GRM4: variants seen among roughly 807,000 people sequenced by gnomAD.
The protein encoded by GRM4 is metabotropic glutamate receptor 4.
A neutral mutation model predicts 81.7 loss-of-function variants in GRM4; 28 were observed. The observed-to-expected ratio is 0.34, with a 90% confidence interval of 0.25 to 0.47. GRM4 has a LOEUF of 0.47. Among genes scored for constraint, GRM4 ranks in the 20% least tolerant of loss-of-function variants. The pLI is 1.00. For missense variants in GRM4, 948 were observed against 1,290.0 expected, an observed-to-expected ratio of 0.73 and a Z score of 4.06; for synonymous variants, 488 against 528.8, an observed-to-expected ratio of 0.92 and a Z score of 1.06.
chr6:34,141,373 GTGGGCTGGCATTA>G lies in GRM4; in HGVS notation c.-364+4614_-364+4626del, dbSNP rs1770685125. On this transcript the variant is annotated intron_variant, in intron 1 of 10. Transcript: ENST00000538487. The stretch of plus-strand genomic sequence containing the variant: ...TCAGCATGGCTCGGCCCCAAATGGC[GTGGGCTGGCATTA>G]TGGGCTGGCATTTCCCAATTACCAC... Among the ~76,000 whole-genome samples, 3 of 152,352 alleles carry G rather than the reference GTGGGCTGGCATTA, an allele frequency of 2.0e-5. 1 individual carries two copies. The highest frequency in any genetic ancestry group is 7.2e-5 in the African/African-American group (3 of 41,576).
intron 2 of GRM4, chr6:34,102,216 C>G: frequency 3.4e-6 from 5 of 1,455,208 alleles, no homozygotes; most frequent in Non-Finnish European, 4.6e-6. Context: ...ACACACCAGC[C>G]TTCCTTTGGG....
chr6:34,035,648 C>A lies in GRM4; in HGVS notation c.2442+20G>T. ...CTGCCCTCACCTACCCACCGTCCACCCCCGGCCCCCACCACTCACCTTGTC... is the reference window on the plus strand; with the variant it reads ...CTGCCCTCACCTACCCACCGTCCACACCCGGCCCCCACCACTCACCTTGTC... On this transcript the variant is annotated intron_variant, in intron 9 of 10. Transcript: ENST00000538487. This position sits in a 1 kb window ranked among gnomAD's most constrained non-coding sequence, Gnocchi z 6.6. The A allele has an allele frequency of 6.8e-7, 1 of 1,474,132 alleles. No individual in the cohort carries two copies. Among genetic ancestry groups the A allele is most frequent in the Non-Finnish European group, 9.3e-7 (1 of 1,075,646 alleles). The allele number at this position is 1,474,132 out of a possible 1,614,324, so 91.3% of individuals were successfully genotyped here. A position where few individuals can be genotyped will look rare whatever the true frequency, so the allele number is the denominator to read the frequency against.
At chr6:34,067,622 C>A (rs902191101) in intron 3 of GRM4, among the ~76,000 whole-genome samples, 1 of 149,756 alleles carries the variant, frequency 6.7e-6, no homozygotes, top group Non-Finnish European at 1.5e-5. Flanking sequence ...GCCTTCCTCC[C>A]TCCCTTCCTC....
chr6:34,034,037 C>G lies in GRM4; in HGVS notation c.2442+1631G>C, dbSNP rs200424460. 6.6e-5 allele frequency among the ~76,000 whole-genome samples: 10 copies of G among 152,278 alleles called. No homozygotes were observed. The East Asian group carries it at 1.9e-3, about 29-fold the overall frequency. On this transcript the variant is annotated intron_variant, in intron 9 of 10. Coordinates refer to ENST00000538487, the MANE Select transcript of GRM4 (RefSeq NM_000841.4). This position sits in a 1 kb window ranked among gnomAD's most constrained non-coding sequence, Gnocchi z 4.0. ...TATAGGCATGAGCCACCACACCCAG[C>G]CTTGGGCTCACAGCTCTAGATGCCA...
At chr6:34,082,622 G>A (rs1767663573) in intron 3 of GRM4, among the ~76,000 whole-genome samples, 1 of 152,220 alleles carries the variant, frequency 6.6e-6, no homozygotes, top group Admixed American at 6.5e-5. Context: ...CCCAGCCCAG[G>A]GCCCGCTGCC....
chr6:34,028,453 G>A (rs1764250702), intron 9 of GRM4, 87 bp from the exon 10 acceptor site: 17 of 1,418,800 alleles, frequency 1.2e-5, no homozygotes, highest in African/African-American at 1.4e-5. Flanking sequence ...GGACCCACCC[G>A]GCATCCCGCT....
chr6:34,133,414 G>C lies in GRM4; in HGVS notation c.83C>G (p.Pro28Arg), dbSNP rs1229941068. The change falls in exon 2 of 11, where the codon CCT becomes CGT. Residue 28 changes from proline to arginine, a missense_variant. Coordinates refer to ENST00000538487, the MANE Select transcript of GRM4 (RefSeq NM_000841.4). This position sits in a 1 kb window ranked among gnomAD's most constrained non-coding sequence, Gnocchi z 6.5. ...LLLSLYGPWMPSSLGKPKGHP... is the reference protein window; with the variant it reads ...LLLSLYGPWMRSSLGKPKGHP... ...GCCTTTGGGCTTTCCCAGGGAGGAAGGCATCCAGGGGCCGTAAAGGCTGAG... is the reference window on the plus strand; with the variant it reads ...GCCTTTGGGCTTTCCCAGGGAGGAACGCATCCAGGGGCCGTAAAGGCTGAG... 5 of 1,613,092 alleles carry C rather than the reference G, an allele frequency of 3.1e-6. No individual in the cohort carries two copies. Among genetic ancestry groups the C allele is most frequent in the Non-Finnish European group, 2.5e-6 (3 of 1,179,734 alleles).
Position 34,061,969 on chromosome 6 carries a change from C to G in GRM4, c.796G>C (p.Asp266His). 6.2e-7 allele frequency: 1 copy of G among 1,613,998 alleles called. No homozygotes were observed. Among genetic ancestry groups the G allele is most frequent in the Non-Finnish European group, 8.5e-7 (1 of 1,179,866 alleles). The part of the protein sequence containing the change: ...IPREPKAGEF[D>H]KIIRRLLETS... ...TCCAGGAGGCGGCGGATGATCTTGT[C>G]GAACTCGCCTGCCTTGGGCTCCCGT... Residue 266 changes from aspartate (D) to histidine (H), a missense_variant, in exon 4 of 11, where the codon GAC becomes CAC. Physicochemically the swap from Asp to His is moderately conservative, Grantham distance 81 (BLOSUM62 -1). Coordinates refer to ENST00000538487, the MANE Select transcript of GRM4 (RefSeq NM_000841.4).
At position 34,115,918 on chromosome 6, in the gene GRM4, G is replaced by A. The variant is rs1460827914; in HGVS notation, c.519+17060C>T. On this transcript the variant is annotated intron_variant, in intron 2 of 10. Transcript: ENST00000538487. This position sits in a 1 kb window ranked among gnomAD's most constrained non-coding sequence, Gnocchi z 4.1. ...GGGACTTTGAAAAGGTAAAAATGAG[G>A]TACCGATGTTGGCCGCACCAGAAGA... 6.6e-6 allele frequency among the ~76,000 whole-genome samples: 1 copy of A among 152,194 alleles called. No homozygotes were observed. Among genetic ancestry groups the A allele is most frequent in the African/African-American group, 2.4e-5 (1 of 41,434 alleles).
chr6:34,032,303 TAC>T (rs1366771150), intron 9 of GRM4, among the ~76,000 whole-genome samples: 4 of 151,948 alleles, frequency 2.6e-5, no homozygotes, highest in African/African-American at 4.8e-5. Context: ...CACACGTCTA[TAC>T]ACACACACCT....
chr6:34,148,702 G>C (rs191682988), upstream of GRM4, among the ~76,000 whole-genome samples: 98 of 152,318 alleles, frequency 6.4e-4, no homozygotes, highest in African/African-American at 2.3e-3. Flanking sequence ...CGAGACTTCT[G>C]CGCTAAGAAC....
At chr6:34,044,509 C>G (rs1194903581) in intron 6 of GRM4, among the ~76,000 whole-genome samples, 1 of 148,462 alleles carries the variant, frequency 6.7e-6, no homozygotes, top group African/African-American at 2.4e-5. Flanking sequence ...CACACATACA[C>G]ACACAGACAT....
At chr6:34,145,840 A>G (rs1205563710) in intron 1 of GRM4, among the ~76,000 whole-genome samples, 160 bp downstream of exon 1, 1 of 151,632 alleles carries the variant, frequency 6.6e-6, no homozygotes, top group African/African-American at 2.4e-5. Context: ...CCCACCCCCT[A>G]CCCCACACCT....
intron 4 of GRM4, 191 bp downstream of exon 4, chr6:34,061,702 T>G: frequency 3.9e-6 from 2 of 512,776 alleles, no homozygotes; most frequent in Admixed American, 3.2e-5. Context: ...AGGGAAGGAG[T>G]GCCCCATAGC....
At position 34,130,605 on chromosome 6, in the gene GRM4, C is replaced by T. The variant is rs1474767688; in HGVS notation, c.519+2373G>A. ...GCAGCCCACTCCCCTGTCTGGGGCACTGAGCGTCTCATCTCAAAATATCTA... is the reference window on the plus strand; with the variant it reads ...GCAGCCCACTCCCCTGTCTGGGGCATTGAGCGTCTCATCTCAAAATATCTA... On this transcript the variant is annotated intron_variant, in intron 2 of 10. Coordinates refer to ENST00000538487, the MANE Select transcript of GRM4 (RefSeq NM_000841.4). The surrounding 1 kb of genome is among the most constrained non-coding windows in gnomAD (Gnocchi z 4.1). Among the ~76,000 whole-genome samples the T allele has an allele frequency of 3.3e-5, 5 of 152,244 alleles. No homozygotes were observed. Among genetic ancestry groups the T allele is most frequent in the Non-Finnish European group, 5.9e-5 (4 of 68,048 alleles).
chr6:34,091,682 C>T (rs986515967), intron 3 of GRM4: 5 of 592,270 alleles, frequency 8.4e-6, no homozygotes, highest in African/African-American at 1.9e-5. Context: ...GCCTCACAGT[C>T]GCCGTTGACC....
At chr6:34,071,024 C>T (rs888444810) in intron 3 of GRM4, among the ~76,000 whole-genome samples, 1 of 151,924 alleles carries the variant, frequency 6.6e-6, no homozygotes. Flanking sequence ...CCCACAGCCA[C>T]ACAGGCTCAC....
At chr6:34,041,531 G>A (rs1765021016) in intron 6 of GRM4, among the ~76,000 whole-genome samples, 1 of 152,160 alleles carries the variant, frequency 6.6e-6, no homozygotes, top group Admixed American at 6.5e-5. Flanking sequence ...CGTGTCCACT[G>A]ACCTCTGCTC....
Position 34,111,388 on chromosome 6 carries a change from GCACA to G in GRM4, c.520-19293_520-19290del, listed in dbSNP as rs143737236. On this transcript the variant is annotated intron_variant, in intron 2 of 10. Transcript: ENST00000538487. The surrounding 1 kb of genome is among the most constrained non-coding windows in gnomAD (Gnocchi z 5.1). ...CTTGGTGGTAAGTACAACCAACCGT[GCACA>G]CACACACACACACACACACAAACAC... is the stretch of plus-strand genomic sequence containing the variant. Among the ~76,000 whole-genome samples the G allele has an allele frequency of 4.3e-3, 580 of 133,870 alleles. 3 individuals are homozygous for G. Among genetic ancestry groups the G allele is most frequent in the South Asian group, 0.017 (68 of 4,024 alleles). 87.8% of individuals were successfully genotyped at this position (133,870 alleles called of 152,430 possible).
Sources: gnomAD v4.1 joint callset for allele counts (sites outside exome capture counted in the v4.1 genomes callset) on GRCh38, gnomAD v4.1.1 for gene constraint, Gnocchi (gnomAD v3.1) non-coding constraint, MANE v1.5 for transcripts, NCBI Gene and HGNC (gene_info 2026-07-23, HGNC 2026-07-21) for gene names.